The following SSBP3 variants were observed in gnomAD, a reference collection of about 807,000 sequenced individuals.
The protein encoded by SSBP3 is single-stranded DNA-binding protein 3.
In SSBP3, 5 loss-of-function variants were observed where a neutral mutation model predicts 69.6. The observed-to-expected ratio is 0.07, with a 90% CI of 0.04 to 0.15. The LOEUF (loss-of-function observed/expected upper bound fraction) is 0.15, where lower values mean the gene tolerates loss of function less well. Among genes scored for constraint, SSBP3 ranks in the 10% least tolerant of loss-of-function variants. SSBP3 has a pLI of 1.00. For missense variants in SSBP3, 312 were observed against 534.0 expected (o/e 0.58, Z 4.10); for synonymous variants, 196 against 193.4 (o/e 1.01, Z -0.11).
chr1:54,259,027 T>C (rs1313561905), intron 5 of SSBP3, among the ~76,000 whole-genome samples: 1 of 152,070 alleles, frequency 6.6e-6, no homozygotes, highest in Non-Finnish European at 1.5e-5. Context: ...GGTGCAGAGC[T>C]GGGGACAGGG....
chr1:54,327,215 GAAAA>G (rs1348715390), intron 4 of SSBP3, among the ~76,000 whole-genome samples: 1 of 96,892 alleles, frequency 1.0e-5, no homozygotes, highest in Non-Finnish European at 2.0e-5. Flanking sequence ...GAAAGAGAGG[GAAAA>G]GGAAGGAAGG....
intron 4 of SSBP3, among the ~76,000 whole-genome samples, chr1:54,301,760 G>A (rs990510564): frequency 6.6e-6 from 1 of 150,428 alleles, no homozygotes; most frequent in Non-Finnish European, 1.5e-5. Context: ...CTGTCCGGCC[G>A]CCACCACCAC....
intron 4 of SSBP3, among the ~76,000 whole-genome samples, chr1:54,292,341 A>T (rs1267076087): frequency 1.3e-5 from 2 of 152,188 alleles, no homozygotes; most frequent in Non-Finnish European, 2.9e-5. Flanking sequence ...CCTGACAGAA[A>T]CTAGCTAGGT....
intron 4 of SSBP3, among the ~76,000 whole-genome samples, chr1:54,334,405 G>C (rs1646473825): frequency 6.6e-6 from 1 of 152,098 alleles, no homozygotes; most frequent in Admixed American, 6.6e-5. Flanking sequence ...ATACAAGTCA[G>C]ATGTTATAAA....
At chr1:54,405,697 G>T (rs1216686474) in intron 1 of SSBP3, among the ~76,000 whole-genome samples, 1 of 151,712 alleles carries the variant, frequency 6.6e-6, no homozygotes, top group African/African-American at 2.4e-5. Context: ...CCGCGCCACG[G>T]CCACCAAGTA....
intron 5 of SSBP3, among the ~76,000 whole-genome samples, chr1:54,271,390 T>A (rs1645190717): frequency 6.6e-6 from 1 of 152,182 alleles, no homozygotes; most frequent in African/African-American, 2.4e-5. Context: ...TTTGCAGGTA[T>A]GAGCCACCAC....
At chr1:54,354,225 C>T (rs527264585) in intron 4 of SSBP3, among the ~76,000 whole-genome samples, 1 of 152,346 alleles carries the variant, frequency 6.6e-6, no homozygotes, top group African/African-American at 2.4e-5. Flanking sequence ...CAGTGCACCT[C>T]CCAGCCCCTC....
At chr1:54,280,173 G>C (rs1170990105) in intron 5 of SSBP3, among the ~76,000 whole-genome samples, 2 of 152,214 alleles carry the variant, frequency 1.3e-5, no homozygotes, top group Admixed American at 6.5e-5. Flanking sequence ...CTTCTTAGCT[G>C]GTGAGCAGCA....
chr1:54,347,133 T>C (rs1646702793), intron 4 of SSBP3, among the ~76,000 whole-genome samples: 1 of 152,066 alleles, frequency 6.6e-6, no homozygotes, highest in South Asian at 2.1e-4. Flanking sequence ...AGCTAATTTA[T>C]TTATTTAATT....
Position 54,405,055 on chromosome 1 carries a change from G to C in SSBP3, c.57-125C>G. The C allele has an allele frequency of 2.3e-5, 19 of 842,650 alleles. No individual in the cohort carries two copies. In the South Asian group the frequency reaches 2.5e-4, roughly 11 times the overall value. 52.2% of individuals were successfully genotyped at this position (842,650 alleles called of 1,614,324 possible). ...CGTCCCATTGTGGCCCCGACCAGAG[G>C]TAAGCAGCTAGCTCACCCCAAACAG... is the stretch of plus-strand genomic sequence containing the variant. On this transcript the variant is annotated intron_variant, in intron 1 of 17. Transcript: ENST00000610401.
At chr1:54,332,276 G>A (rs1646430433) in intron 4 of SSBP3, among the ~76,000 whole-genome samples, 1 of 152,174 alleles carries the variant, frequency 6.6e-6, no homozygotes, top group Admixed American at 6.5e-5. Context: ...ACTCCCACAT[G>A]GCAGTCACAG....
In SSBP3 at chr1:54,228,239, A is replaced by AG; in HGVS notation, c.1137+15dup. On this transcript the variant is annotated intron_variant, in intron 17 of 17. Transcript: ENST00000610401. Reference sequence around the variant, plus strand: ...GGCCGTGGGGACGAGAGCAACAGGCAGGGGGCGAGGCTTACATTGTCGTTC... The same window carrying AG: ...GGCCGTGGGGACGAGAGCAACAGGCAGGGGGGCGAGGCTTACATTGTCGTTC... The AG allele has an allele frequency of 6.2e-7, 1 of 1,611,646 alleles. No homozygotes were observed. The highest frequency in any genetic ancestry group is 8.5e-7 in the Non-Finnish European group (1 of 1,178,136).
chr1:54,292,233 C>A (rs1645620586), intron 4 of SSBP3, among the ~76,000 whole-genome samples: 1 of 152,226 alleles, frequency 6.6e-6, no homozygotes, highest in African/African-American at 2.4e-5. Flanking sequence ...GGGATTCAAA[C>A]CCAGGTCTAC....
chr1:54,298,123 T>A (rs909292251), intron 4 of SSBP3, among the ~76,000 whole-genome samples: 2 of 152,180 alleles, frequency 1.3e-5, no homozygotes, highest in Non-Finnish European at 2.9e-5. Flanking sequence ...CAAACAGGTA[T>A]GGGCCCAGAT....
intron 4 of SSBP3, among the ~76,000 whole-genome samples, chr1:54,282,133 T>G (rs1645406503): frequency 6.6e-6 from 1 of 152,124 alleles, no homozygotes; most frequent in South Asian, 2.1e-4. Flanking sequence ...TGAGACAAAG[T>G]GCCAAAGGTA....
At chr1:54,296,699 C>T (rs909625838) in intron 4 of SSBP3, among the ~76,000 whole-genome samples, 3 of 152,226 alleles carry the variant, frequency 2.0e-5, no homozygotes, top group Admixed American at 6.5e-5. Flanking sequence ...TGCTGCATCC[C>T]CTGGAACAGT....
At chr1:54,255,952 A>C (rs1054162589) in intron 7 of SSBP3, among the ~76,000 whole-genome samples, 1 of 152,102 alleles carries the variant, frequency 6.6e-6, no homozygotes, top group African/African-American at 2.4e-5. Context: ...CACACCTGTA[A>C]TCCCAGTTAC....
At chr1:54,227,067 G>C (rs1644296431) in exon 18 of SSBP3, 1 of 1,385,690 alleles carries the variant, frequency 7.2e-7, no homozygotes, top group African/African-American at 1.4e-5. Flanking sequence ...CTCACTTCTT[G>C]CATAATTTCT....
At chr1:54,401,725 G>T in intron 4 of SSBP3, 136 bp downstream of exon 4, 1 of 664,916 alleles carries the variant, frequency 1.5e-6, no homozygotes, top group South Asian at 1.9e-5. Context: ...CTGCAGAGAG[G>T]TGGGCAGGGG....
Sources: gnomAD v4.1 joint callset for allele counts (sites outside exome capture counted in the v4.1 genomes callset) on GRCh38, gnomAD v4.1.1 for gene constraint, MANE v1.5 for transcripts, NCBI Gene and HGNC (gene_info 2026-07-23, HGNC 2026-07-21) for gene names.